Variants in TENM2 observed in about 807,000 individuals in gnomAD.
TENM2 encodes teneurin-2.
TENM2 carries 52 observed loss-of-function variants against 245.2 expected under a neutral mutation model. The observed-to-expected ratio is 0.21, with a 90% CI of 0.17 to 0.27. The LOEUF is 0.27. Ranked by LOEUF, TENM2 falls within the 10% of genes least tolerant of loss-of-function variation. The pLI is 1.00. For synonymous variants in TENM2, 1,363 were observed against 1,438.9 expected (o/e 0.95, Z 1.19); for missense variants, 3,046 against 3,666.8 (o/e 0.83, Z 4.37).
chr5:168,229,392 G>A lies in TENM2; in HGVS notation c.5520+1262G>A, dbSNP rs548298062. Among the ~76,000 whole-genome samples the A allele has an allele frequency of 7.2e-5, 11 of 152,292 alleles. No individual in the cohort carries two copies. The South Asian group carries it at 2.3e-3, about 32-fold the overall frequency. On this transcript the variant is annotated intron_variant, in intron 25 of 28. Transcript: ENST00000518659. Reference sequence around the variant, plus strand: ...ACTTATCTGTCACCAAGAGGGAACAGTTCCTACCATCATGCTAACCCCTTC... The same window carrying A: ...ACTTATCTGTCACCAAGAGGGAACAATTCCTACCATCATGCTAACCCCTTC...
At chr5:167,262,554 C>G in the TENM2 span, among the ~76,000 whole-genome samples, 24 of 152,116 alleles carry the variant, frequency 1.6e-4, 1 homozygote, top group South Asian at 4.2e-3. Context: ...GATAAAGTAC[C>G]TGTGTGGTAG....
chr5:167,202,847 C>G, the TENM2 span, among the ~76,000 whole-genome samples: 1 of 152,178 alleles, frequency 6.6e-6, no homozygotes, highest in Non-Finnish European at 1.5e-5. Context: ...TGTGTCCTTG[C>G]AGATCTATGC....
At chr5:167,782,640 G>A (rs1195579678) in intron 2 of TENM2, among the ~76,000 whole-genome samples, 1 of 152,068 alleles carries the variant, frequency 6.6e-6, no homozygotes, top group Non-Finnish European at 1.5e-5. Context: ...AGCAAAAGAT[G>A]TAAAAACAAA....
chr5:167,028,027 A>C, the TENM2 span, among the ~76,000 whole-genome samples: 1 of 140,968 alleles, frequency 7.1e-6, no homozygotes, highest in Non-Finnish European at 1.5e-5. Context: ...CTGAGATGGC[A>C]CCACTGTACT....
chr5:168,072,131 C>T (rs1170281539), intron 7 of TENM2, among the ~76,000 whole-genome samples: 1 of 152,066 alleles, frequency 6.6e-6, no homozygotes, highest in Non-Finnish European at 1.5e-5. Flanking sequence ...CTTGGGAGGA[C>T]AAGGAGCCAA....
At chr5:166,984,276 C>T in the TENM2 span, among the ~76,000 whole-genome samples, 9 of 151,936 alleles carry the variant, frequency 5.9e-5, no homozygotes, top group Non-Finnish European at 1.0e-4. Context: ...AGGACTAAAG[C>T]GGGAGGATGT....
chr5:168,120,071 C>T (rs1333895692), intron 10 of TENM2, among the ~76,000 whole-genome samples: 1 of 152,222 alleles, frequency 6.6e-6, no homozygotes, highest in Non-Finnish European at 1.5e-5. Flanking sequence ...GATACACCCA[C>T]ATAGGGTTCC....
intron 2 of TENM2, among the ~76,000 whole-genome samples, chr5:167,738,004 A>T (rs550514803): frequency 6.6e-6 from 1 of 152,306 alleles, no homozygotes; most frequent in African/African-American, 2.4e-5. Flanking sequence ...CTGTGTTGTT[A>T]ATCAACCCTT....
intron 2 of TENM2, among the ~76,000 whole-genome samples, chr5:167,587,363 G>A (rs1425444695): frequency 1.3e-5 from 2 of 152,202 alleles, no homozygotes; most frequent in African/African-American, 2.4e-5. Context: ...ATGTCCGCTT[G>A]TTGTGAAACA....
chr5:168,062,887 G>A (rs925750221), intron 7 of TENM2, among the ~76,000 whole-genome samples: 11 of 152,164 alleles, frequency 7.2e-5, no homozygotes, highest in African/African-American at 2.7e-4. Flanking sequence ...TAACTGCCAC[G>A]GGGTTTTTGG....
intron 1 of TENM2, among the ~76,000 whole-genome samples, chr5:167,326,365 A>G (rs2127780887): frequency 6.6e-6 from 1 of 152,246 alleles, no homozygotes; most frequent in Admixed American, 6.5e-5. Context: ...TAGTAATTTT[A>G]TACGTACTCT....
intron 7 of TENM2, among the ~76,000 whole-genome samples, chr5:168,072,671 T>G (rs1791119373): frequency 6.6e-6 from 1 of 152,188 alleles, no homozygotes; most frequent in Non-Finnish European, 1.5e-5. Flanking sequence ...CTATGAAGTG[T>G]TTCCGGATGA....
At chr5:167,396,650 T>C (rs894478516) in intron 2 of TENM2, among the ~76,000 whole-genome samples, 1 of 152,070 alleles carries the variant, frequency 6.6e-6, no homozygotes, top group South Asian at 2.1e-4. Flanking sequence ...GCCAGTGGCA[T>C]GAGGGCACAG....
chr5:168,182,800 C>A (rs1334579932), intron 13 of TENM2, among the ~76,000 whole-genome samples: 3 of 151,100 alleles, frequency 2.0e-5, no homozygotes, highest in Non-Finnish European at 4.4e-5. Context: ...GAGCCCTGAT[C>A]CCTGTTCCTC....
intron 2 of TENM2, among the ~76,000 whole-genome samples, chr5:167,758,434 G>C (rs909434669): frequency 3.3e-5 from 5 of 152,164 alleles, no homozygotes; most frequent in Non-Finnish European, 7.4e-5. Context: ...AGGTGGAAGA[G>C]AGAGAGGCAG....
At chr5:167,772,730 G>C (rs529112033) in intron 2 of TENM2, among the ~76,000 whole-genome samples, 2 of 151,982 alleles carry the variant, frequency 1.3e-5, no homozygotes, top group Non-Finnish European at 2.9e-5. Flanking sequence ...AGCCAGGCTT[G>C]CATGTTAAAT....
At chr5:167,404,396 A>G (rs1762518701) in intron 2 of TENM2, among the ~76,000 whole-genome samples, 1 of 152,128 alleles carries the variant, frequency 6.6e-6, no homozygotes, top group Non-Finnish European at 1.5e-5. Flanking sequence ...AACGCTAGAT[A>G]CAGGACTCCT....
chr5:167,777,447 G>A (rs528137419), intron 2 of TENM2, among the ~76,000 whole-genome samples: 45 of 152,292 alleles, frequency 3.0e-4, no homozygotes, highest in African/African-American at 9.4e-4. Flanking sequence ...AATGTGCCTA[G>A]CACTGTGCTA....
intron 1 of TENM2, among the ~76,000 whole-genome samples, chr5:167,330,490 C>T (rs915100143): frequency 6.6e-6 from 1 of 152,026 alleles, no homozygotes; most frequent in Admixed American, 6.6e-5. Flanking sequence ...TAAGGAAGAG[C>T]TTTCAAAAGG....
Sources: gnomAD v4.1 joint callset for allele counts (sites outside exome capture counted in the v4.1 genomes callset) on GRCh38, gnomAD v4.1.1 for gene constraint, MANE v1.5 for transcripts, NCBI Gene and HGNC (gene_info 2026-07-23, HGNC 2026-07-21) for gene names.